The following NKAIN3 variants were observed in gnomAD, a reference collection of about 807,000 sequenced individuals.
The protein encoded by NKAIN3 is sodium/potassium transporting ATPase interacting 3, also known as sodium/potassium-transporting ATPase subunit beta-1-interacting protein 3.
NKAIN3 carries 25 observed loss-of-function variants against 30.2 expected under a neutral mutation model. The observed-to-expected ratio is 0.83, with a 90% confidence interval of 0.60 to 1.16. NKAIN3 has a LOEUF of 1.16. Ranked by LOEUF, NKAIN3 falls within the 50% of genes most tolerant of loss-of-function variation. The probability of loss-of-function intolerance (pLI) is 0.00; values close to 1 mark genes in which losing one functional copy is unlikely to be tolerated. For missense variants in NKAIN3, 225 were observed against 254.1 expected (o/e 0.89, Z 0.78); for synonymous variants, 91 against 89.6 (o/e 1.02, Z -0.09).
chr8:62,864,440 T>C (rs1820358865), intron 4 of NKAIN3, among the ~76,000 whole-genome samples: 1 of 152,142 alleles, frequency 6.6e-6, no homozygotes, highest in African/African-American at 2.4e-5. Context: ...GAGCAGCAAC[T>C]GGACGATGAA....
chr8:62,409,528 T>C (rs1366993223), intron 1 of NKAIN3, among the ~76,000 whole-genome samples: 1 of 151,566 alleles, frequency 6.6e-6, no homozygotes, highest in East Asian at 1.9e-4. Flanking sequence ...CTTATACTAC[T>C]TTTTTATTTA....
chr8:62,509,191 G>A (rs1807738701), intron 1 of NKAIN3, among the ~76,000 whole-genome samples: 1 of 152,092 alleles, frequency 6.6e-6, no homozygotes, highest in Non-Finnish European at 1.5e-5. Context: ...TAATCATGTG[G>A]GGTGGGGAGG....
intron 4 of NKAIN3, among the ~76,000 whole-genome samples, chr8:62,847,674 G>A (rs1225528734): frequency 6.6e-6 from 1 of 152,024 alleles, no homozygotes. Flanking sequence ...TGCAGAAGCT[G>A]TTTAGTTTAA....
chr8:62,476,263 G>A (rs1002510316), intron 1 of NKAIN3, among the ~76,000 whole-genome samples: 1 of 152,148 alleles, frequency 6.6e-6, no homozygotes, highest in African/African-American at 2.4e-5. Context: ...GAAGTGACAA[G>A]ATAGCACATT....
chr8:62,267,238 G>A (rs1191980513), intron 1 of NKAIN3, among the ~76,000 whole-genome samples: 1 of 152,214 alleles, frequency 6.6e-6, no homozygotes, highest in Non-Finnish European at 1.5e-5. Flanking sequence ...CAATTTTGGA[G>A]CATGTAGATA....
chr8:62,325,088 C>T (rs1815070135), intron 1 of NKAIN3, among the ~76,000 whole-genome samples: 1 of 152,018 alleles, frequency 6.6e-6, no homozygotes, highest in Non-Finnish European at 1.5e-5. Flanking sequence ...TCACCCAAAC[C>T]ATGTACACTG....
chr8:62,892,191 G>A (rs944378429), intron 4 of NKAIN3, among the ~76,000 whole-genome samples: 1 of 152,112 alleles, frequency 6.6e-6, no homozygotes, highest in Non-Finnish European at 1.5e-5. Flanking sequence ...ATTATATAAT[G>A]TAAAATCTTT....
intron 1 of NKAIN3, among the ~76,000 whole-genome samples, chr8:62,539,094 T>C (rs1196919828): frequency 6.6e-6 from 1 of 152,226 alleles, no homozygotes; most frequent in African/African-American, 2.4e-5. Flanking sequence ...TGAATCCTGA[T>C]ACACTATCTA....
rs1159389847 is a variant in NKAIN3 at position 62,976,326 on chromosome 8, T to C, written c.*10919T>C. 1.3e-5 allele frequency among the ~76,000 whole-genome samples: 2 copies of C among 152,192 alleles called. No homozygotes were observed. The highest frequency in any genetic ancestry group is 2.9e-5 in the Non-Finnish European group (2 of 68,034). On this transcript the variant is annotated 3_prime_UTR_variant, in exon 7 of 7. Coordinates refer to ENST00000623646, the MANE Select transcript of NKAIN3 (RefSeq NM_001304533.3). ...ATTATTGTGTGGTAGTCTAAGTCTCTTTGTAGGTCTCTAAGAACTTGCTTT... is the reference window on the plus strand; with the variant it reads ...ATTATTGTGTGGTAGTCTAAGTCTCCTTGTAGGTCTCTAAGAACTTGCTTT...
At chr8:62,335,610 C>T (rs544870814) in intron 1 of NKAIN3, among the ~76,000 whole-genome samples, 2 of 151,894 alleles carry the variant, frequency 1.3e-5, no homozygotes, top group East Asian at 3.9e-4. Flanking sequence ...TTGTGCCCTC[C>T]CCACAACATA....
intron 1 of NKAIN3, among the ~76,000 whole-genome samples, chr8:62,541,122 C>A (rs1453550506): frequency 6.6e-6 from 1 of 151,380 alleles, no homozygotes; most frequent in Non-Finnish European, 1.5e-5. Context: ...CCAGCCTGGC[C>A]AACATGGTGA....
chr8:62,323,339 C>T (rs1028067285), intron 1 of NKAIN3, among the ~76,000 whole-genome samples: 4 of 152,090 alleles, frequency 2.6e-5, no homozygotes, highest in African/African-American at 9.7e-5. Context: ...AGTAATATTA[C>T]AATGGGATTA....
At chr8:62,821,217 GC>G (rs1357107335) in intron 4 of NKAIN3, among the ~76,000 whole-genome samples, 3 of 151,914 alleles carry the variant, frequency 2.0e-5, no homozygotes, top group Non-Finnish European at 4.4e-5. Flanking sequence ...ATATCTCCCT[GC>G]CAAACGTGAG....
intron 4 of NKAIN3, among the ~76,000 whole-genome samples, chr8:62,865,491 C>T (rs1820388875): frequency 6.6e-6 from 1 of 152,050 alleles, no homozygotes; most frequent in Non-Finnish European, 1.5e-5. Flanking sequence ...TGGGGAAGAG[C>T]AGTCTTTTGA....
chr8:62,445,024 C>A (rs1192327747), intron 1 of NKAIN3, among the ~76,000 whole-genome samples: 4 of 152,116 alleles, frequency 2.6e-5, no homozygotes, highest in South Asian at 2.1e-4. Context: ...TGGCTCACTG[C>A]AACCTCTGTC....
chr8:62,621,401 G>A lies in NKAIN3; in HGVS notation c.273+31607G>A, dbSNP rs998090813. ...TAAAAACTGAAAAATACATTTAATTGTTAAGAAGAAAGAAAAATCTATCTT... is the reference window on the plus strand; with the variant it reads ...TAAAAACTGAAAAATACATTTAATTATTAAGAAGAAAGAAAAATCTATCTT... On this transcript the variant is annotated intron_variant, in intron 3 of 6. Coordinates refer to ENST00000623646, the MANE Select transcript of NKAIN3 (RefSeq NM_001304533.3). 4.6e-5 allele frequency among the ~76,000 whole-genome samples: 7 copies of A among 152,030 alleles called. No homozygotes were observed. The East Asian group carries it at 1.2e-3, about 25-fold the overall frequency.
chr8:62,899,698 C>G (rs1821542255), intron 4 of NKAIN3, among the ~76,000 whole-genome samples: 2 of 151,976 alleles, frequency 1.3e-5, no homozygotes, highest in East Asian at 3.9e-4. Context: ...TGACTATAGT[C>G]TATAATAACT....
chr8:62,309,405 A>G (rs1814356209), intron 1 of NKAIN3, among the ~76,000 whole-genome samples: 1 of 150,740 alleles, frequency 6.6e-6, no homozygotes, highest in Non-Finnish European at 1.5e-5. Context: ...CATACAAGTC[A>G]CATTCAGAAA....
intron 4 of NKAIN3, among the ~76,000 whole-genome samples, chr8:62,798,267 T>A (rs1252672665): frequency 6.6e-6 from 1 of 152,010 alleles, no homozygotes. Flanking sequence ...TAATTGCAGC[T>A]CCACTATTAG....
Sources: allele counts gnomAD v4.1 joint callset (sites outside exome capture counted in the v4.1 genomes callset), GRCh38; gene constraint gnomAD v4.1.1; transcripts MANE v1.5; gene names NCBI Gene and HGNC (gene_info 2026-07-23, HGNC 2026-07-21).